SFMBT2: variants seen among roughly 807,000 people sequenced by gnomAD.
The protein encoded by SFMBT2 is scm-like with four MBT domains protein 2.
SFMBT2 carries 38 observed loss-of-function variants against 110.1 expected under a neutral mutation model. That is an observed-to-expected ratio of 0.35 (90% CI 0.27 to 0.45). The LOEUF (loss-of-function observed/expected upper bound fraction) is 0.45. Among genes scored for constraint, SFMBT2 ranks in the 20% least tolerant of loss-of-function variants. SFMBT2 has a pLI of 1.00. For missense variants in SFMBT2, 1,011 were observed against 1,094.9 expected (o/e 0.92, Z 1.08); for synonymous variants, 425 against 425.4 (o/e 1.00, Z 0.01).
chr10:7,386,158 G>T (rs1845598648), intron 1 of SFMBT2, among the ~76,000 whole-genome samples: 1 of 152,142 alleles, frequency 6.6e-6, no homozygotes, highest in Non-Finnish European at 1.5e-5. Flanking sequence ...CATGCTCAGG[G>T]ACGGCTTCCC....
intron 4 of SFMBT2, among the ~76,000 whole-genome samples, chr10:7,288,458 C>A (rs1463413973): frequency 6.6e-6 from 1 of 152,218 alleles, no homozygotes; most frequent in Non-Finnish European, 1.5e-5. Flanking sequence ...ATTGTACGCT[C>A]AGCACGTTGG....
chr10:7,305,505 C>T (rs776729832), intron 4 of SFMBT2, among the ~76,000 whole-genome samples: 3 of 152,286 alleles, frequency 2.0e-5, no homozygotes, highest in African/African-American at 7.2e-5. Context: ...CTCTGACTTG[C>T]GTAGTATTCA....
At chr10:7,286,305 G>A in intron 4 of SFMBT2, 4 of 494,274 alleles carry the variant, frequency 8.1e-6, no homozygotes, top group Non-Finnish European at 1.0e-5. Flanking sequence ...GGAAATCAGA[G>A]AAAGGCTTTC....
intron 4 of SFMBT2, among the ~76,000 whole-genome samples, chr10:7,318,964 C>T (rs184084602): frequency 1.3e-5 from 2 of 152,210 alleles, no homozygotes; most frequent in South Asian, 2.1e-4. Context: ...ACAAAGGCCC[C>T]GGGCCATAAA....
intron 7 of SFMBT2, among the ~76,000 whole-genome samples, chr10:7,266,947 G>C (rs1171566067): frequency 6.6e-6 from 1 of 152,154 alleles, no homozygotes; most frequent in Non-Finnish European, 1.5e-5. Context: ...CTGCAATCTG[G>C]AAATGTGGCT....
intron 14 of SFMBT2, chr10:7,198,160 T>C (rs1838837641): frequency 3.0e-6 from 3 of 984,990 alleles, no homozygotes; most frequent in Non-Finnish European, 3.6e-6. Flanking sequence ...CATAAATTAT[T>C]TCCTGCAAGA....
intron 11 of SFMBT2, among the ~76,000 whole-genome samples, chr10:7,214,309 T>A (rs1271042306): frequency 6.6e-6 from 1 of 152,214 alleles, no homozygotes; most frequent in African/African-American, 2.4e-5. Flanking sequence ...GTTGGGGAAC[T>A]TCCCCTGTGG....
At chr10:7,334,064 G>A (rs533596290) in intron 4 of SFMBT2, among the ~76,000 whole-genome samples, 10 of 152,300 alleles carry the variant, frequency 6.6e-5, no homozygotes, top group African/African-American at 9.6e-5. Context: ...GATGTGCTAC[G>A]CGACGGCTCT....
At chr10:7,289,349 AAGTTAAC>A (rs1842195918) in intron 4 of SFMBT2, among the ~76,000 whole-genome samples, 1 of 152,238 alleles carries the variant, frequency 6.6e-6, no homozygotes, top group African/African-American at 2.4e-5. Flanking sequence ...CGTATAATCC[AAGTTAAC>A]AGTTAAGTGA....
intron 15 of SFMBT2, among the ~76,000 whole-genome samples, chr10:7,191,672 T>C (rs1376831090): frequency 6.6e-6 from 1 of 152,228 alleles, no homozygotes; most frequent in Non-Finnish European, 1.5e-5. Context: ...TATTCCGTAA[T>C]TGGCTTATTT....
At chr10:7,272,775 C>T (rs1841634225) in intron 7 of SFMBT2, among the ~76,000 whole-genome samples, 1 of 152,268 alleles carries the variant, frequency 6.6e-6, no homozygotes, top group African/African-American at 2.4e-5. Flanking sequence ...GGCTGACCAC[C>T]ACATTCTAAT....
chr10:7,372,361 C>T (rs2132061192), intron 2 of SFMBT2, among the ~76,000 whole-genome samples: 1 of 152,156 alleles, frequency 6.6e-6, no homozygotes, highest in South Asian at 2.1e-4. Context: ...CCTTCTAAGC[C>T]CAAGTTGCTT....
chr10:7,307,800 C>T (rs1842737687), intron 4 of SFMBT2, among the ~76,000 whole-genome samples: 1 of 152,090 alleles, frequency 6.6e-6, no homozygotes, highest in South Asian at 2.1e-4. Context: ...ACACAGAAAG[C>T]ATAAAAGATC....
intron 7 of SFMBT2, among the ~76,000 whole-genome samples, chr10:7,252,221 T>G (rs946139202): frequency 5.9e-5 from 9 of 152,194 alleles, no homozygotes; most frequent in African/African-American, 2.2e-4. Context: ...CCCCGTGCTG[T>G]GTGGAAACTC....
chr10:7,366,321 C>T (rs1411487112), intron 4 of SFMBT2, among the ~76,000 whole-genome samples: 1 of 151,908 alleles, frequency 6.6e-6, no homozygotes, highest in Non-Finnish European at 1.5e-5. Flanking sequence ...CAACTCTTAA[C>T]TCCAGCCATT....
rs59565462 is a variant in SFMBT2, at chr10:7,376,698, CA to C, written c.100+5100del. Reference sequence around the variant, plus strand: ...TGGGTGACAGAGCAAGACTCTGTCTCAAAAAAAAAAAAAAAAAAGGCCCTCC... The same window carrying C: ...TGGGTGACAGAGCAAGACTCTGTCTCAAAAAAAAAAAAAAAAAGGCCCTCC... On this transcript the variant is annotated intron_variant, in intron 2 of 20. Coordinates refer to ENST00000397167, the MANE Select transcript of SFMBT2 (RefSeq NM_001387889.1). 6.3e-3 allele frequency among the ~76,000 whole-genome samples: 294 copies of C among 46,642 alleles called. 2 individuals carry two copies. Among genetic ancestry groups the C allele is most frequent in the African/African-American group, 0.029 (278 of 9,592 alleles). The allele number at this position is 46,642 out of a possible 152,430, so 30.6% of individuals were successfully genotyped here.
At chr10:7,198,563 A>T (rs187957618) in intron 14 of SFMBT2, among the ~76,000 whole-genome samples, 1 of 152,262 alleles carries the variant, frequency 6.6e-6, no homozygotes, top group East Asian at 1.9e-4. Context: ...ATCTACCCCA[A>T]CAATGGTTCC....
Position 7,284,261 on chromosome 10 carries a change from C to T in SFMBT2, c.526-111G>A, listed in dbSNP as rs543239660. 1.1e-5 allele frequency: 17 copies of T among 1,513,656 alleles called. No homozygotes were observed. In the African/African-American group the frequency reaches 1.4e-4, roughly 12 times the overall value. 93.8% of individuals were successfully genotyped at this position (1,513,656 alleles called of 1,614,324 possible). A position where few individuals can be genotyped will look rare whatever the true frequency, so the allele number is the denominator to read the frequency against. ...TTCACACCATCATCCAAGGTACTGG[C>T]GAACAGTCTGGCGTTCCCTCCACCC... On this transcript the variant is annotated intron_variant, in intron 5 of 20. Coordinates refer to ENST00000397167, the MANE Select transcript of SFMBT2 (RefSeq NM_001387889.1).
Position 7,372,017 on chromosome 10 carries a change from C to A in SFMBT2, c.101-1642G>T, listed in dbSNP as rs190717907. 3.2e-3 allele frequency among the ~76,000 whole-genome samples: 485 copies of A among 151,312 alleles called. 2 individuals are homozygous for A. Among genetic ancestry groups the A allele is most frequent in the African/African-American group, 9.8e-3 (405 of 41,202 alleles). On this transcript the variant is annotated intron_variant, in intron 2 of 20. Transcript: ENST00000397167. ...TCTCAGCTCACTACAACCTCCACCCCCCAGGTTCAAGTGATTCTCCTGCCT... is the reference window on the plus strand; with the variant it reads ...TCTCAGCTCACTACAACCTCCACCCACCAGGTTCAAGTGATTCTCCTGCCT...
Sources: allele counts gnomAD v4.1 joint callset (sites outside exome capture counted in the v4.1 genomes callset), GRCh38; gene constraint gnomAD v4.1.1; transcripts MANE v1.5; gene names NCBI Gene and HGNC (gene_info 2026-07-23, HGNC 2026-07-21).